PIWIL1: variants seen among roughly 807,000 people sequenced by gnomAD.
PIWIL1 encodes piwi like RNA-mediated gene silencing 1.
A neutral mutation model predicts 114.4 loss-of-function variants in PIWIL1; 73 were observed. The observed-to-expected ratio is 0.64, with a 90% CI of 0.53 to 0.78. The LOEUF is 0.78. Among genes scored for constraint, PIWIL1 ranks in the 30% least tolerant of loss-of-function variants. The pLI, the probability that PIWIL1 is intolerant of heterozygous loss-of-function variation, is 0.00. For synonymous variants in PIWIL1, 375 were observed against 369.0 expected (o/e 1.02, Z -0.19); for missense variants, 723 against 1,063.1 (o/e 0.68, Z 4.45).
intron 10 of PIWIL1, 103 bp from the exon 11 acceptor site, chr12:130,354,785 C>T (rs909413266): frequency 7.0e-7 from 1 of 1,426,990 alleles, no homozygotes; most frequent in South Asian, 1.3e-5. Flanking sequence ...ATTAAAACTG[C>T]TTTGTCTCCT....
chr12:130,397,169 C>G, the PIWIL1 span: 18 of 351,238 alleles, frequency 5.1e-5, no homozygotes, highest in Non-Finnish European at 8.6e-5. Context: ...AGACTGCCAG[C>G]GGTGACAGAG....
chr12:130,414,429 G>A, the PIWIL1 span: 5 of 921,986 alleles, frequency 5.4e-6, no homozygotes, highest in Non-Finnish European at 8.1e-6. Context: ...TCTTTTTTGT[G>A]TCTTAACATG....
intron 18 of PIWIL1, among the ~76,000 whole-genome samples, chr12:130,365,935 T>C (rs1182644941): frequency 6.6e-6 from 1 of 152,210 alleles, no homozygotes; most frequent in Admixed American, 6.5e-5. Flanking sequence ...TGGGCAGCAG[T>C]AGTCTGCGTA....
rs78528402 is a variant in PIWIL1, at chr12:130,341,622, G to T, written c.-12-958G>T. Among the ~76,000 whole-genome samples the T allele has an allele frequency of 2.7e-3, 405 of 152,356 alleles. 2 individuals are homozygous for T. Among genetic ancestry groups the T allele is most frequent in the African/African-American group, 9.3e-3 (386 of 41,580 alleles). ...TTTGTTGACTGCTCACTAGAGGCCA[G>T]TGTGAGTTCTCATTTGATCTTCACC... On this transcript the variant is annotated intron_variant, in intron 1 of 20. Transcript: ENST00000245255.
At chr12:130,401,171 A>C in the PIWIL1 span, among the ~76,000 whole-genome samples, 3 of 152,098 alleles carry the variant, frequency 2.0e-5, no homozygotes, top group Non-Finnish European at 4.4e-5. Flanking sequence ...GCTGAAGTGC[A>C]GTAGCGTGAT....
chr12:130,393,349 C>T, the PIWIL1 span, among the ~76,000 whole-genome samples: 1,584 of 35,242 alleles, frequency 0.045, 38 homozygotes, highest in Non-Finnish European at 0.072. Context: ...CACGTGTGTC[C>T]GTCAGTTACC....
the PIWIL1 span, among the ~76,000 whole-genome samples, chr12:130,418,532 T>C: frequency 6.6e-6 from 1 of 152,140 alleles, no homozygotes; most frequent in African/African-American, 2.4e-5. Context: ...GTCAGTGTGA[T>C]CTAGTGAATG....
the PIWIL1 span, chr12:130,425,050 T>G: frequency 1.3e-5 from 5 of 384,626 alleles, no homozygotes; most frequent in Admixed American, 4.5e-5. Flanking sequence ...GTTACGGGGC[T>G]GGGGCGGGGT....
chr12:130,422,692 T>C, the PIWIL1 span: 1 of 659,396 alleles, frequency 1.5e-6, no homozygotes, highest in Non-Finnish European at 2.7e-6. This position sits in a 1 kb window ranked among gnomAD's most constrained non-coding sequence, Gnocchi z 5.2. Context: ...AACTGAAAGG[T>C]TAGCTGAATG....
intron 1 of PIWIL1, among the ~76,000 whole-genome samples, chr12:130,340,262 A>G (rs1014549287): frequency 6.6e-6 from 1 of 152,004 alleles, no homozygotes; most frequent in Admixed American, 6.5e-5. Flanking sequence ...ATAGGAAGCA[A>G]GTTGTGTTTG....
At chr12:130,414,255 G>A in the PIWIL1 span, 1 of 1,613,010 alleles carries the variant, frequency 6.2e-7, no homozygotes, top group Non-Finnish European at 8.5e-7. Flanking sequence ...ACCAGGGTCA[G>A]TTTCTGACTC....
the PIWIL1 span, among the ~76,000 whole-genome samples, chr12:130,383,046 G>T: frequency 6.6e-6 from 1 of 152,310 alleles, no homozygotes; most frequent in South Asian, 2.1e-4. Flanking sequence ...TAGATTGCAA[G>T]CTTTATCAGT....
the PIWIL1 span, among the ~76,000 whole-genome samples, chr12:130,392,719 G>A: frequency 1.2e-4 from 7 of 58,132 alleles, no homozygotes; most frequent in African/African-American, 1.6e-4. Context: ...GTGATGACCC[G>A]GTCACCGTCA....
Position 130,361,492 on chromosome 12 carries a change from T to C in PIWIL1, c.1867-6T>C. On this transcript the variant is annotated splice_polypyrimidine_tract_variant and splice_region_variant and intron_variant, in intron 15 of 20. Transcript: ENST00000245255. ...TGTATCTAAAATTACCATATTTGTA[T>C]TGAAGCTGAAGCTCGTGATGATCGT... is the stretch of plus-strand genomic sequence containing the variant. 6.2e-7 allele frequency: 1 copy of C among 1,614,050 alleles called. No individual in the cohort carries two copies. Among genetic ancestry groups the C allele is most frequent in the Non-Finnish European group, 8.5e-7 (1 of 1,179,882 alleles).
the PIWIL1 span, among the ~76,000 whole-genome samples, chr12:130,421,411 G>T: frequency 1.3e-5 from 2 of 152,214 alleles, no homozygotes; most frequent in Non-Finnish European, 2.9e-5. Context: ...AAGCTGTGAA[G>T]ATGGAATTTT....
the PIWIL1 span, among the ~76,000 whole-genome samples, chr12:130,395,453 G>A: frequency 2.6e-5 from 4 of 152,058 alleles, no homozygotes; most frequent in African/African-American, 7.2e-5. Context: ...TATAAAATAG[G>A]GGGGAAGAAA....
chr12:130,384,353 G>A, the PIWIL1 span, among the ~76,000 whole-genome samples: 2 of 152,144 alleles, frequency 1.3e-5, no homozygotes, highest in African/African-American at 4.8e-5. Flanking sequence ...AGTTTGTCCA[G>A]GTTTTAAGAG....
At chr12:130,421,785 C>G in the PIWIL1 span, among the ~76,000 whole-genome samples, 1 of 151,372 alleles carries the variant, frequency 6.6e-6, no homozygotes, top group Admixed American at 6.6e-5. Context: ...GTGCATAATA[C>G]TTTTTGGAAT....
At chr12:130,394,402 C>T in the PIWIL1 span, among the ~76,000 whole-genome samples, 2 of 152,142 alleles carry the variant, frequency 1.3e-5, no homozygotes, top group Non-Finnish European at 2.9e-5. Context: ...TTTTTCTTTA[C>T]CCATATGAAA....
Sources: gnomAD v4.1 joint callset for allele counts (sites outside exome capture counted in the v4.1 genomes callset) on GRCh38, gnomAD v4.1.1 for gene constraint, Gnocchi (gnomAD v3.1) non-coding constraint, MANE v1.5 for transcripts, NCBI Gene and HGNC (gene_info 2026-07-23, HGNC 2026-07-21) for gene names.